CCL1: variants seen among roughly 807,000 people sequenced by gnomAD.
CCL1 encodes C-C motif chemokine 1.
A neutral mutation model predicts 7.5 loss-of-function variants in CCL1; 9 were observed. The observed-to-expected ratio is 1.20, with a 90% CI of 0.72 to 2.09. CCL1 has a LOEUF of 2.09. Among genes scored for constraint, CCL1 ranks in the 30% most tolerant of loss-of-function variants. The pLI, the probability that CCL1 is intolerant of heterozygous loss-of-function variation, is 0.00. For synonymous variants in CCL1, 48 were observed against 44.7 expected (o/e 1.07, Z -0.30); for missense variants, 110 against 113.7 (o/e 0.97, Z 0.15).
Position 34,362,225 on chromosome 17 carries a change from T to C in CCL1, c.77-329A>G, listed in dbSNP as rs150553640. On this transcript the variant is annotated intron_variant, in intron 1 of 2. Coordinates refer to ENST00000225842, the MANE Select transcript of CCL1 (RefSeq NM_002981.2). ...TCTAAAGGCTCATCCAGTTTTGGTA[T>C]TTCACCACATGTGCATGGTTCTGCC... Among the ~76,000 whole-genome samples, 326 of 152,320 alleles carry C rather than the reference T, an allele frequency of 2.1e-3. 1 individual carries two copies. The highest frequency in any genetic ancestry group is 7.5e-3 in the African/African-American group (311 of 41,560).
At chr17:34,362,030 G>T in intron 1 of CCL1, 134 bp from the exon 2 acceptor site, 1 of 571,754 alleles carries the variant, frequency 1.7e-6, no homozygotes, top group South Asian at 2.2e-5. Flanking sequence ...GACGGTGCCG[G>T]CATAGCTCTG....
chr17:34,360,561 AT>A lies in CCL1; in HGVS notation c.288del (p.Lys96AsnfsTer43), dbSNP rs1413656199. ...KMLRHCPSKRK is the reference protein window; with the variant it reads ...KMLRHCPSKRX ...GCCCACAATGGAAAGAAATCTGCTC[AT>A]TTTCTTTTTGACGGGCAGTGCCTCA... On this transcript the variant is annotated frameshift_variant, in exon 3 of 3. Transcript: ENST00000225842. LOFTEE classifies it high-confidence loss of function. 7 of 1,612,174 alleles carry A rather than the reference AT, an allele frequency of 4.3e-6. No individual in the cohort carries two copies. The highest frequency in any genetic ancestry group is 5.9e-6 in the Non-Finnish European group (7 of 1,178,450).
chr17:34,360,692 G>T, intron 2 of CCL1, 31 bp from the exon 3 acceptor site: 1 of 1,540,738 alleles, frequency 6.5e-7, no homozygotes, highest in Middle Eastern at 2.2e-4. Context: ...AGAAGGCTGA[G>T]CCACCCAAGC....
At chr17:34,360,858 T>C (rs1376934155) in intron 2 of CCL1, among the ~76,000 whole-genome samples, 197 bp from the exon 3 acceptor site, 1 of 152,140 alleles carries the variant, frequency 6.6e-6, no homozygotes, top group Non-Finnish European at 1.5e-5. Context: ...CAGGAGCTTA[T>C]GAATTGAATT....
intron 1 of CCL1, 94 bp downstream of exon 1, chr17:34,362,992 G>A: frequency 1.8e-6 from 2 of 1,114,002 alleles, no homozygotes; most frequent in Non-Finnish European, 2.7e-6. Context: ...GATAGAGTTG[G>A]TGAGTTCAAG....
chr17:34,362,312 G>A (rs539510606), intron 1 of CCL1, among the ~76,000 whole-genome samples: 5 of 152,306 alleles, frequency 3.3e-5, no homozygotes, highest in African/African-American at 4.8e-5. Flanking sequence ...GTCTGATGCA[G>A]GACACAGTGG....
chr17:34,361,645 G>A, intron 2 of CCL1, 140 bp downstream of exon 2: 1 of 623,752 alleles, frequency 1.6e-6, no homozygotes, highest in Non-Finnish European at 2.9e-6. Context: ...GCGCCCAAGT[G>A]TGGCTTGCAC....
intron 2 of CCL1, 108 bp from the exon 3 acceptor site, chr17:34,360,769 C>G (rs543706432): frequency 8.7e-5 from 70 of 805,600 alleles, no homozygotes; most frequent in Non-Finnish European, 1.4e-4. Flanking sequence ...ACTGCTCTTG[C>G]TAGGCCTTGG....
At position 34,360,603 on chromosome 17, in the gene CCL1, T is replaced by C. The variant is rs1910480657; in HGVS notation, c.247A>G (p.Arg83Gly). 2 of 1,613,674 alleles carry C rather than the reference T, an allele frequency of 1.2e-6. No homozygotes were observed. Among genetic ancestry groups the C allele is most frequent in the Non-Finnish European group, 1.7e-6 (2 of 1,179,974 alleles). ...CALDTVGWVQ[R>G]HRKMLRHCPS... is the part of the protein sequence containing the mutation. ...CAGTGCCTCAGCATTTTTCTGTGCC[T>C]CTGAACCCATCCAACTGTGTCCAAG... Residue 83 changes from arginine to glycine, a missense_variant, in exon 3 of 3, where the codon AGG (arginine) becomes GGG (glycine). Transcript: ENST00000225842.
Position 34,361,860 on chromosome 17 carries a change from G to C in CCL1, c.113C>G (p.Ala38Gly). The C allele has an allele frequency of 6.2e-7, 1 of 1,612,348 alleles. No homozygotes were observed. Among genetic ancestry groups the C allele is most frequent in the Non-Finnish European group, 8.5e-7 (1 of 1,178,516 alleles). Residue 38 changes from alanine (A) to glycine (G), a missense_variant, in exon 2 of 3, where the codon GCG becomes GGG. Coordinates refer to ENST00000225842, the MANE Select transcript of CCL1 (RefSeq NM_002981.2). Reference protein sequence around the residue: ...VPFSRCCFSFAEQEIPLRAIL... With the variant: ...VPFSRCCFSFGEQEIPLRAIL... ...TGCCCTCAGGGGAATCTCTTGCTCCGCAAATGAGAAGCAACATCTGGAGAA... is the reference window on the plus strand; with the variant it reads ...TGCCCTCAGGGGAATCTCTTGCTCCCCAAATGAGAAGCAACATCTGGAGAA...
intron 1 of CCL1, among the ~76,000 whole-genome samples, 161 bp from the exon 2 acceptor site, chr17:34,362,057 G>T (rs1204397896): frequency 1.3e-5 from 2 of 152,198 alleles, no homozygotes; most frequent in Non-Finnish European, 2.9e-5. Context: ...CAGCCACCTT[G>T]TTCTGGGGCT....
chr17:34,360,571 T>C lies in CCL1; in HGVS notation c.279A>G (p.Ser93=), dbSNP rs1247626191. 6.2e-7 allele frequency: 1 copy of C among 1,613,734 alleles called. No individual in the cohort carries two copies. The highest frequency in any genetic ancestry group is 1.1e-5 in the South Asian group (1 of 91,082). ...RHRKMLRHCP[S]KRK ...GAAAGAAATCTGCTCATTTTCTTTT[T>C]GACGGGCAGTGCCTCAGCATTTTTC... Residue 93 remains serine, a synonymous_variant, in exon 3 of 3, where the codon TCA becomes TCG. Transcript: ENST00000225842.
chr17:34,363,126 C>T lies in CCL1; in HGVS notation c.36G>A (p.Leu12=). 1.9e-6 allele frequency: 3 copies of T among 1,613,710 alleles called. No homozygotes were observed. Among genetic ancestry groups the T allele is most frequent in the Non-Finnish European group, 1.7e-6 (2 of 1,180,024 alleles). The part of the protein sequence containing the change: ...QIITTALVCL[L]LAGMWPEDVD... ...CATCTTCCGGCCACATCCCAGCTAG[C>T]AGCAAGCACACCAGGGCTGTGGTGA... The change falls in exon 1 of 3, where the codon CTG becomes CTA. Residue 12 remains leucine (L), a synonymous_variant. Coordinates refer to ENST00000225842, the MANE Select transcript of CCL1 (RefSeq NM_002981.2).
chr17:34,361,244 T>G (rs1910498683), intron 2 of CCL1, among the ~76,000 whole-genome samples: 1 of 152,102 alleles, frequency 6.6e-6, no homozygotes, highest in South Asian at 2.1e-4. Flanking sequence ...CCCAAGAGGA[T>G]CGACAGAGAG....
Position 34,363,087 on chromosome 17 carries a change from G to T in CCL1, c.75C>A (p.Ser25Arg), listed in dbSNP as rs763219896. The T allele has an allele frequency of 1.2e-6, 2 of 1,612,338 alleles. No homozygotes were observed. The highest frequency in any genetic ancestry group is 2.2e-5 in the South Asian group (2 of 91,084). ...CAAAATGATGCCTGCCACACTCACTGCTCTTGCTGTCCACATCTTCCGGCC... is the reference window on the plus strand; with the variant it reads ...CAAAATGATGCCTGCCACACTCACTTCTCTTGCTGTCCACATCTTCCGGCC... The part of the protein sequence containing the change: ...GMWPEDVDSK[S>R]MQVPFSRCCF... Residue 25 changes from serine (S) to arginine (R), a missense_variant and splice_region_variant, in exon 1 of 3, where the codon AGC becomes AGA. Ser to Arg is a moderately radical substitution (Grantham distance 110, BLOSUM62 -1). Coordinates refer to ENST00000225842, the MANE Select transcript of CCL1 (RefSeq NM_002981.2).
chr17:34,361,947 C>G (rs757268685), intron 1 of CCL1, 51 bp from the exon 2 acceptor site: 2 of 1,219,722 alleles, frequency 1.6e-6, no homozygotes, highest in Non-Finnish European at 2.4e-6. Flanking sequence ...AACCTCTCAC[C>G]TGTAGCACAA....
At chr17:34,361,982 G>A (rs577052591) in intron 1 of CCL1, 86 bp from the exon 2 acceptor site, 14 of 868,020 alleles carry the variant, frequency 1.6e-5, no homozygotes, top group South Asian at 3.0e-5. Context: ...ACAAAAAAAC[G>A]CCTCCCAGGA....
chr17:34,362,513 C>T (rs1910532216), intron 1 of CCL1, among the ~76,000 whole-genome samples: 1 of 152,128 alleles, frequency 6.6e-6, no homozygotes, highest in South Asian at 2.1e-4. Context: ...GCATTCTCCT[C>T]CCACACCACA....
intron 2 of CCL1, among the ~76,000 whole-genome samples, chr17:34,361,419 C>T (rs1236084048): frequency 1.3e-5 from 2 of 152,200 alleles, no homozygotes; most frequent in African/African-American, 4.8e-5. Context: ...TCCACGGTCA[C>T]CCAAGACTAT....
Sources: gnomAD v4.1 joint callset for allele counts (sites outside exome capture counted in the v4.1 genomes callset) on GRCh38, gnomAD v4.1.1 for gene constraint, MANE v1.5 for transcripts, NCBI Gene and HGNC (gene_info 2026-07-23, HGNC 2026-07-21) for gene names.